The following AMN variants were observed in gnomAD, a reference collection of about 807,000 sequenced individuals.
AMN encodes the protein amnion associated transmembrane protein, also known as protein amnionless.
In AMN, 40 loss-of-function variants were observed where a neutral mutation model predicts 49.1. The ratio of observed to expected loss-of-function variants is 0.81; its 90% CI spans 0.63 to 1.06. AMN has a LOEUF of 1.06. Among genes scored for constraint, AMN ranks in the 50% least tolerant of loss-of-function variants. The pLI, the probability that AMN is intolerant of heterozygous loss-of-function variation, is 0.00. For synonymous variants in AMN, 380 were observed against 313.3 expected, an observed-to-expected ratio of 1.21 and a Z score of -2.25; for missense variants, 701 against 662.8, an observed-to-expected ratio of 1.06 and a Z score of -0.63.
At chr14:102,923,573 T>G in intron 1 of AMN, 138 bp from the exon 2 acceptor site, 2 of 829,472 alleles carry the variant, frequency 2.4e-6, no homozygotes, top group Admixed American at 1.9e-5. Flanking sequence ...AGGGTCTGGG[T>G]CCGGGCCCCC....
intron 8 of AMN, 85 bp from the exon 9 acceptor site, chr14:102,929,839 C>T (rs1891292173): frequency 6.5e-7 from 1 of 1,543,270 alleles, no homozygotes; most frequent in South Asian, 1.2e-5. Flanking sequence ...GCTCACTTGC[C>T]CACTATCTGC....
chr14:102,930,649 C>CTCTGT lies in AMN; in HGVS notation c.1334_1338dup (p.Ala447CysfsTer59). ...ACCAGCCACAGTTACTTCGTCAACC[C>CTCTGT]TCTGTTCGCCGGGGCCGAGGCCGAG... On this transcript the variant is annotated frameshift_variant, in exon 12 of 12. Coordinates refer to ENST00000299155, the MANE Select transcript of AMN (RefSeq NM_030943.4). LOFTEE classifies it high-confidence loss of function. The CTCTGT allele has an allele frequency of 6.3e-7, 1 of 1,599,116 alleles. No homozygotes were observed. The highest frequency in any genetic ancestry group is 1.1e-5 in the South Asian group (1 of 88,718).
intron 3 of AMN, among the ~76,000 whole-genome samples, chr14:102,925,182 CTGAG>C (rs1187477416): frequency 6.6e-6 from 1 of 152,240 alleles, no homozygotes; most frequent in African/African-American, 2.4e-5. Context: ...TCAGTCACTC[CTGAG>C]TGAGGGTCAC....
chr14:102,928,984 T>C lies in AMN; in HGVS notation c.513+9T>C. 1 of 1,597,618 alleles carries C rather than the reference T, an allele frequency of 6.3e-7. No homozygotes were observed. The highest frequency in any genetic ancestry group is 8.5e-7 in the Non-Finnish European group (1 of 1,179,106). On this transcript the variant is annotated intron_variant, in intron 5 of 11. Coordinates refer to ENST00000299155, the MANE Select transcript of AMN (RefSeq NM_030943.4). ...TCTCGGCTCTGGGCCGGGTGAGCAC[T>C]GAGGGGAGGGAGGCTCGGGTCCCCT...
intron 9 of AMN, 29 bp from the exon 10 acceptor site, chr14:102,930,136 G>A (rs113993387): frequency 2.0e-6 from 3 of 1,502,266 alleles, no homozygotes; most frequent in Non-Finnish European, 2.7e-6. Context: ...CCCGCCGCGG[G>A]GAAGACTGAG....
At chr14:102,923,686 G>C (rs1476669941) in intron 1 of AMN, 25 bp from the exon 2 acceptor site, 44 of 1,589,804 alleles carry the variant, frequency 2.8e-5, no homozygotes, top group Non-Finnish European at 3.8e-5. Context: ...AGAGCATCCC[G>C]GGCACTCAGT....
rs1231820924 is a variant in AMN at position 102,930,451 on chromosome 14, C to A, written c.1215C>A (p.Gly405=). Residue 405 remains glycine (G), a synonymous_variant, in exon 11 of 12, where the codon GGC becomes GGA. Coordinates refer to ENST00000299155, the MANE Select transcript of AMN (RefSeq NM_030943.4). ...CGGCCCCGGCTGGAGCGCCCCTCGG[C>A]TTCCGCAACCCGGTGTTCGACGTGA... The part of the protein sequence containing the change: ...EAAAPAGAPL[G]FRNPVFDVTA... 5.2e-6 allele frequency: 8 copies of A among 1,527,788 alleles called. No homozygotes were observed. The East Asian group carries it at 2.0e-4, about 38-fold the overall frequency. 94.6% of individuals were successfully genotyped at this position (1,527,788 alleles called of 1,614,324 possible). A position where few individuals can be genotyped will look rare whatever the true frequency, so the allele number is the denominator to read the frequency against.
At chr14:102,923,242 G>A (rs982481717) in intron 1 of AMN, 4 of 260,280 alleles carry the variant, frequency 1.5e-5, no homozygotes, top group Admixed American at 5.1e-5. Context: ...TGGTCCTGCC[G>A]CCCCCAGCCC....
chr14:102,925,628 CT>C (rs1891168621), intron 3 of AMN, among the ~76,000 whole-genome samples: 2 of 152,204 alleles, frequency 1.3e-5, no homozygotes, highest in African/African-American at 4.8e-5. Flanking sequence ...GGATTTCCCC[CT>C]ACTCCCCTCC....
At position 102,922,737 on chromosome 14, in the gene AMN, C is replaced by G. The variant is rs772049847; in HGVS notation, c.43+6C>G. 10 of 1,584,690 alleles carry G rather than the reference C, an allele frequency of 6.3e-6. No individual in the cohort carries two copies. In the South Asian group the frequency reaches 1.0e-4, roughly 16 times the overall value. On this transcript the variant is annotated splice_donor_region_variant and intron_variant, in intron 1 of 11. Coordinates refer to ENST00000299155, the MANE Select transcript of AMN (RefSeq NM_030943.4). ...GCTGTGGCTGCAGCTCTGCGGTGAG[C>G]CGGGACCACACCGGTGCGGGCCCGG...
chr14:102,924,656 C>A (rs963705580), intron 3 of AMN, among the ~76,000 whole-genome samples: 1 of 152,188 alleles, frequency 6.6e-6, no homozygotes, highest in African/African-American at 2.4e-5. Flanking sequence ...GGACCTTTTT[C>A]TCAAACTGCT....
At position 102,929,113 on chromosome 14, in the gene AMN, GC is replaced by G; in HGVS notation, c.514-5del. 6.3e-7 allele frequency: 1 copy of G among 1,597,548 alleles called. No homozygotes were observed. The highest frequency in any genetic ancestry group is 2.2e-5 in the East Asian group (1 of 44,842). On this transcript the variant is annotated splice_region_variant and splice_polypyrimidine_tract_variant and intron_variant, in intron 5 of 11. Coordinates refer to ENST00000299155, the MANE Select transcript of AMN (RefSeq NM_030943.4). ...GGCTGGCTCCGGTGGGGACCCGGCT[GC>G]CCGCAGACGTTCACGCGCGACGAGG...
In AMN at chr14:102,922,667, G is replaced by T. The variant is rs1409086730; in HGVS notation, c.-22G>T. On this transcript the variant is annotated 5_prime_UTR_variant, in exon 1 of 12. Coordinates refer to ENST00000299155, the MANE Select transcript of AMN (RefSeq NM_030943.4). ...TCCAGTGGGGCAAAGTCTCCTGGTG[G>T]GGTGCAAGGAGCCGAGGCGAGATGG... The T allele has an allele frequency of 6.3e-7, 1 of 1,596,996 alleles. No homozygotes were observed.
intron 6 of AMN, 35 bp downstream of exon 6, chr14:102,929,293 G>T (rs1368043723): frequency 6.3e-6 from 9 of 1,433,172 alleles, no homozygotes; most frequent in Admixed American, 6.0e-5. Flanking sequence ...CGGGGGCCGC[G>T]CGAGGGTCGG....
chr14:102,928,668 A>T (rs1029607619), intron 4 of AMN, 90 bp from the exon 5 acceptor site: 3 of 1,516,450 alleles, frequency 2.0e-6, no homozygotes, highest in Admixed American at 1.9e-5. Context: ...GGGGCTTGGG[A>T]GGTCGTGCTC....
intron 1 of AMN, chr14:102,922,972 C>G: frequency 1.8e-6 from 1 of 544,248 alleles, no homozygotes. Context: ...GGAACCTCGG[C>G]CAGCCCCGGC....
At chr14:102,922,799 C>T (rs1464999579) in intron 1 of AMN, 68 bp downstream of exon 1, 3 of 1,529,654 alleles carry the variant, frequency 2.0e-6, no homozygotes, top group Non-Finnish European at 8.8e-7. Flanking sequence ...GCCGAGGTCG[C>T]TCTAGGCCTG....
chr14:102,929,562 T>C (rs1487536350), intron 7 of AMN, 26 bp downstream of exon 7: 5 of 1,543,346 alleles, frequency 3.2e-6, no homozygotes, highest in Non-Finnish European at 4.4e-6. Context: ...GGGCCCTGCT[T>C]GCTGGGAAGG....
chr14:102,929,707 G>A lies in AMN; in HGVS notation c.813G>A (p.Arg271=). The change falls in exon 8 of 12, where the codon CGG becomes CGA. Residue 271 remains arginine, a synonymous_variant. Coordinates refer to ENST00000299155, the MANE Select transcript of AMN (RefSeq NM_030943.4). ...CCGCATTTGACCTGGAGCGGTACCG[G>A]GCGCGGATACTGGACACCTTCCTGG... ...HGPAFDLERY[R]ARILDTFLGL... is the part of the protein sequence containing the mutation. 6.4e-7 allele frequency: 1 copy of A among 1,551,162 alleles called. No homozygotes were observed. The highest frequency in any genetic ancestry group is 8.7e-7 in the Non-Finnish European group (1 of 1,147,724).
Sources: gnomAD v4.1 joint callset for allele counts (sites outside exome capture counted in the v4.1 genomes callset) on GRCh38, gnomAD v4.1.1 for gene constraint, MANE v1.5 for transcripts, NCBI Gene and HGNC (gene_info 2026-07-23, HGNC 2026-07-21) for gene names.